The following SEMA6D variants were observed in gnomAD, a reference collection of about 807,000 sequenced individuals.
SEMA6D encodes the protein semaphorin-6D.
SEMA6D carries 35 observed loss-of-function variants against 106.6 expected under a neutral mutation model. The ratio of observed to expected loss-of-function variants is 0.33; its 90% confidence interval spans 0.25 to 0.44. The LOEUF (loss-of-function observed/expected upper bound fraction) is 0.44. Ranked by LOEUF, SEMA6D falls within the 20% of genes least tolerant of loss-of-function variation. The pLI is 1.00. For missense variants in SEMA6D, 1,185 were observed against 1,345.9 expected, an observed-to-expected ratio of 0.88 and a Z score of 1.87; for synonymous variants, 499 against 487.7, an observed-to-expected ratio of 1.02 and a Z score of -0.31.
chr15:47,265,735 T>C (rs757131502), intron 1 of SEMA6D, among the ~76,000 whole-genome samples: 23 of 152,070 alleles, frequency 1.5e-4, no homozygotes, highest in Non-Finnish European at 8.8e-5. Context: ...TTATAGCCAT[T>C]TGGGGTACCG....
intron 4 of SEMA6D, among the ~76,000 whole-genome samples, chr15:47,641,992 G>T (rs1566954236): frequency 6.6e-6 from 1 of 152,178 alleles, no homozygotes; most frequent in Non-Finnish European, 1.5e-5. Flanking sequence ...CTTGAGGGTT[G>T]TATCTCCAGG....
At chr15:47,264,491 G>A (rs143494792) in intron 1 of SEMA6D, among the ~76,000 whole-genome samples, 2 of 151,972 alleles carry the variant, frequency 1.3e-5, no homozygotes, top group Non-Finnish European at 2.9e-5. Context: ...CAAAACAGTT[G>A]TACCATCTTA....
intron 1 of SEMA6D, among the ~76,000 whole-genome samples, chr15:47,325,259 C>A (rs954915120): frequency 2.0e-5 from 3 of 151,764 alleles, no homozygotes; most frequent in African/African-American, 7.3e-5. Context: ...CTGCAACCTC[C>A]ACCTCCCGGG....
chr15:47,637,597 T>G (rs2077412974), intron 4 of SEMA6D, among the ~76,000 whole-genome samples: 1 of 152,214 alleles, frequency 6.6e-6, no homozygotes, highest in African/African-American at 2.4e-5. Context: ...ATGATTTTCA[T>G]GCTGGGAATC....
intron 1 of SEMA6D, among the ~76,000 whole-genome samples, chr15:47,381,191 C>T (rs187917261): frequency 3.9e-5 from 6 of 152,324 alleles, no homozygotes; most frequent in Admixed American, 3.9e-4. Context: ...GCAAAAATTA[C>T]AATGGATTGT....
At chr15:47,719,749 T>C (rs2146277418) in intron 1 of SEMA6D, among the ~76,000 whole-genome samples, 1 of 152,358 alleles carries the variant, frequency 6.6e-6, no homozygotes, top group African/African-American at 2.4e-5. Flanking sequence ...CTTTGGTGGC[T>C]TAAAAACAGT....
chr15:47,561,225 A>T (rs1260368600), intron 3 of SEMA6D, among the ~76,000 whole-genome samples: 1 of 152,054 alleles, frequency 6.6e-6, no homozygotes, highest in South Asian at 2.1e-4. Context: ...AAAAGGAGAA[A>T]ATCTTGAAAG....
chr15:47,666,083 AG>A (rs1264907826), intron 4 of SEMA6D, among the ~76,000 whole-genome samples: 1 of 152,250 alleles, frequency 6.6e-6, no homozygotes, highest in African/African-American at 2.4e-5. Context: ...GCAGCATGAG[AG>A]TTCAGACATC....
At chr15:47,488,787 T>G (rs865796919) in intron 3 of SEMA6D, among the ~76,000 whole-genome samples, 9 of 151,728 alleles carry the variant, frequency 5.9e-5, no homozygotes, top group Admixed American at 2.6e-4. Context: ...TAGAGTGTAG[T>G]AAAGGAAGAG....
rs191896301 is a variant in SEMA6D at position 47,214,105 on chromosome 15, A to C, written c.-239+29687A>C. On this transcript the variant is annotated intron_variant, in intron 1 of 19. Transcript: ENST00000558014. ...AAAACTGTTAAAAGCACCATGAGCA[A>C]TAAGATGTCAAGCAATACATTATAC... 1.6e-3 allele frequency among the ~76,000 whole-genome samples: 247 copies of C among 152,294 alleles called. 2 individuals carry two copies. Among genetic ancestry groups the C allele is most frequent in the African/African-American group, 5.5e-3 (230 of 41,564 alleles).
At chr15:47,625,732 AAG>A (rs1366792133) in intron 4 of SEMA6D, among the ~76,000 whole-genome samples, 2 of 151,654 alleles carry the variant, frequency 1.3e-5, no homozygotes, top group Non-Finnish European at 2.9e-5. Context: ...ATTTTGAAAA[AAG>A]AAAATATGCA....
At chr15:47,362,839 C>T (rs531837243) in intron 1 of SEMA6D, among the ~76,000 whole-genome samples, 3 of 152,184 alleles carry the variant, frequency 2.0e-5, no homozygotes, top group South Asian at 2.1e-4. Flanking sequence ...CTGAGTTTGT[C>T]GAATTATAGA....
chr15:47,749,416 G>A (rs1188275514), intron 1 of SEMA6D, among the ~76,000 whole-genome samples: 1 of 152,026 alleles, frequency 6.6e-6, no homozygotes, highest in African/African-American at 2.4e-5. Context: ...AAGGGGTTTG[G>A]CTACATGCTT....
At chr15:47,193,854 C>G (rs1894143064) in intron 1 of SEMA6D, among the ~76,000 whole-genome samples, 1 of 152,022 alleles carries the variant, frequency 6.6e-6, no homozygotes, top group African/African-American at 2.4e-5. Context: ...TTTATTCACT[C>G]TTTATTCCTT....
chr15:47,641,092 C>A (rs2077480542), intron 4 of SEMA6D, among the ~76,000 whole-genome samples: 1 of 152,138 alleles, frequency 6.6e-6, no homozygotes, highest in Admixed American at 6.5e-5. Flanking sequence ...GGAGTTGTTC[C>A]ATTTCCCCAC....
intron 2 of SEMA6D, among the ~76,000 whole-genome samples, chr15:47,450,541 T>G (rs2042159776): frequency 6.6e-6 from 1 of 152,074 alleles, no homozygotes; most frequent in African/African-American, 2.4e-5. Context: ...TTCTTCAAAC[T>G]GTTTACAGTA....
intron 1 of SEMA6D, among the ~76,000 whole-genome samples, chr15:47,277,609 A>ATTATGAT (rs2034884856): frequency 7.8e-6 from 1 of 128,608 alleles, no homozygotes; most frequent in East Asian, 2.0e-4. Flanking sequence ...TATTATTATT[A>ATTATGAT]TTATTTATTA....
chr15:47,566,885 T>A (rs1420462372), intron 3 of SEMA6D, among the ~76,000 whole-genome samples: 1 of 148,116 alleles, frequency 6.8e-6, no homozygotes, highest in Non-Finnish European at 1.5e-5. Flanking sequence ...ACGGAAGATG[T>A]TTTTGCTTTG....
chr15:47,511,444 G>A (rs1343316115), intron 3 of SEMA6D, among the ~76,000 whole-genome samples: 2 of 152,066 alleles, frequency 1.3e-5, no homozygotes, highest in African/African-American at 4.8e-5. Context: ...GACCGGGATT[G>A]GACAGTTGGC....
Sources: gnomAD v4.1 joint callset for allele counts (sites outside exome capture counted in the v4.1 genomes callset) on GRCh38, gnomAD v4.1.1 for gene constraint, MANE v1.5 for transcripts, NCBI Gene and HGNC (gene_info 2026-07-23, HGNC 2026-07-21) for gene names.